Variants in DLG2 observed in about 807,000 individuals in gnomAD.
DLG2 encodes disks large homolog 2.
A neutral mutation model predicts 132.5 loss-of-function variants in DLG2; 45 were observed. That is an observed-to-expected ratio of 0.34 (90% CI 0.27 to 0.44). The LOEUF is 0.44. Ranked by LOEUF, DLG2 falls within the 20% of genes least tolerant of loss-of-function variation. The pLI, the probability that DLG2 is intolerant of heterozygous loss-of-function variation, is 1.00. For missense variants in DLG2, 1,045 were observed against 1,196.9 expected (o/e 0.87, Z 1.87); for synonymous variants, 424 against 419.6 (o/e 1.01, Z -0.13).
At chr11:85,036,097 G>T (rs562478068) in intron 6 of DLG2, among the ~76,000 whole-genome samples, 4 of 152,104 alleles carry the variant, frequency 2.6e-5, no homozygotes, top group Non-Finnish European at 4.4e-5. Flanking sequence ...GCATAAAATG[G>T]AAGAAAAGCA....
rs575471762 is a variant in DLG2 at position 85,389,572 on chromosome 11, T to G, written c.41-104207A>C. Among the ~76,000 whole-genome samples, 18 of 152,188 alleles carry G rather than the reference T, an allele frequency of 1.2e-4. No individual in the cohort carries two copies. The South Asian group carries it at 2.3e-3, about 19-fold the overall frequency. On this transcript the variant is annotated intron_variant, in intron 3 of 27. Transcript: ENST00000376104. ...CACACAGTCATCAGGTTATCTAAAG[T>G]CAAGACAAAGGAAAGAGTCTTAAGA...
chr11:84,590,066 A>G (rs556204996), intron 6 of DLG2, among the ~76,000 whole-genome samples: 3 of 152,344 alleles, frequency 2.0e-5, no homozygotes, highest in East Asian at 1.9e-4. Flanking sequence ...AAAACGGGAA[A>G]TAACATGACA....
intron 6 of DLG2, among the ~76,000 whole-genome samples, chr11:84,830,008 C>A (rs180795751): frequency 6.6e-6 from 1 of 151,476 alleles, no homozygotes; most frequent in African/African-American, 2.4e-5. Flanking sequence ...GTTGGGTAAC[C>A]GCTAACTGCA....
At chr11:85,612,507 A>C (rs1039014625) in intron 2 of DLG2, among the ~76,000 whole-genome samples, 5 of 152,380 alleles carry the variant, frequency 3.3e-5, no homozygotes, top group East Asian at 1.9e-4. Flanking sequence ...GCCAAACTTT[A>C]AAGTACTTAC....
At chr11:85,266,489 C>T (rs1358839007) in intron 4 of DLG2, among the ~76,000 whole-genome samples, 1 of 152,046 alleles carries the variant, frequency 6.6e-6, no homozygotes, top group African/African-American at 2.4e-5. Flanking sequence ...GGGATAGCAT[C>T]AGGAGAAGTA....
intron 4 of DLG2, among the ~76,000 whole-genome samples, chr11:85,210,779 A>C (rs1462977619): frequency 6.6e-6 from 1 of 152,076 alleles, no homozygotes; most frequent in African/African-American, 2.4e-5. Flanking sequence ...TGGGCTCAGG[A>C]ACTACCCATC....
intron 14 of DLG2, among the ~76,000 whole-genome samples, chr11:83,953,528 T>C (rs2154149397): frequency 6.6e-6 from 1 of 152,204 alleles, no homozygotes; most frequent in South Asian, 2.1e-4. Context: ...CATGGAAAAA[T>C]TATCTTCCAT....
At chr11:84,899,496 T>C (rs1396643858) in intron 6 of DLG2, among the ~76,000 whole-genome samples, 1 of 152,062 alleles carries the variant, frequency 6.6e-6, no homozygotes, top group Admixed American at 6.6e-5. Flanking sequence ...CAAATGTTGG[T>C]AACATCCAAA....
intron 7 of DLG2, among the ~76,000 whole-genome samples, chr11:84,268,084 T>C (rs933725605): frequency 6.6e-6 from 1 of 152,352 alleles, no homozygotes; most frequent in South Asian, 2.1e-4. Context: ...GTTAGTAACA[T>C]ACTCTCATTT....
intron 6 of DLG2, among the ~76,000 whole-genome samples, chr11:85,099,374 T>C (rs900817760): frequency 2.6e-5 from 4 of 152,310 alleles, no homozygotes; most frequent in African/African-American, 7.2e-5. Flanking sequence ...AAGCAAGTCA[T>C]TGACAAGAAA....
rs367674846 is a variant in DLG2, at chr11:85,370,499, A to C, written c.41-85134T>G. On this transcript the variant is annotated intron_variant, in intron 3 of 27. Transcript: ENST00000376104. The stretch of plus-strand genomic sequence containing the variant: ...GGTTTTTCTGTAAATTGAGCACTCA[A>C]ATAAATGCATAACAAGGTTTTCCTA... Among the ~76,000 whole-genome samples, 5 of 152,368 alleles carry C rather than the reference A, an allele frequency of 3.3e-5. No homozygotes were observed. In the East Asian group the frequency reaches 9.6e-4, roughly 29 times the overall value.
chr11:85,322,451 G>A (rs1565321555), intron 3 of DLG2, among the ~76,000 whole-genome samples: 2 of 152,192 alleles, frequency 1.3e-5, no homozygotes, highest in East Asian at 3.9e-4. Flanking sequence ...CACACAATGG[G>A]AAAGGTTTGC....
chr11:85,508,121 G>A (rs926795905), intron 3 of DLG2, among the ~76,000 whole-genome samples: 2 of 152,004 alleles, frequency 1.3e-5, no homozygotes, highest in Non-Finnish European at 2.9e-5. Flanking sequence ...CTTCTTTCAA[G>A]GTTTTTAGCT....
At chr11:84,685,887 C>G (rs1181144904) in intron 6 of DLG2, among the ~76,000 whole-genome samples, 1 of 152,128 alleles carries the variant, frequency 6.6e-6, no homozygotes, top group African/African-American at 2.4e-5. Context: ...CGAGGTTTCA[C>G]CGTATTAGCC....
At chr11:84,728,918 T>C (rs1446030346) in intron 6 of DLG2, among the ~76,000 whole-genome samples, 2 of 152,216 alleles carry the variant, frequency 1.3e-5, no homozygotes, top group Non-Finnish European at 2.9e-5. Flanking sequence ...TTTGTATTTC[T>C]GTGGGATCAG....
At chr11:84,752,716 C>A (rs2066318955) in intron 6 of DLG2, among the ~76,000 whole-genome samples, 1 of 105,766 alleles carries the variant, frequency 9.5e-6, no homozygotes, top group African/African-American at 3.5e-5. Flanking sequence ...TATCCCTCCC[C>A]CCTCCCCCCA....
intron 10 of DLG2, among the ~76,000 whole-genome samples, chr11:84,097,787 G>A (rs558289794): frequency 7.2e-5 from 11 of 152,096 alleles, no homozygotes; most frequent in Admixed American, 3.3e-4. Context: ...ACCTAGCAGG[G>A]GTGCTAAAAG....
chr11:85,324,668 G>C (rs990530670), intron 3 of DLG2, among the ~76,000 whole-genome samples: 2 of 152,156 alleles, frequency 1.3e-5, no homozygotes, highest in African/African-American at 4.8e-5. Context: ...AGGTTTTGAG[G>C]TTTGCTGTAT....
intron 6 of DLG2, among the ~76,000 whole-genome samples, chr11:84,787,350 C>G (rs1380066988): frequency 6.6e-6 from 1 of 152,140 alleles, no homozygotes; most frequent in Non-Finnish European, 1.5e-5. Flanking sequence ...CCTACTCTAG[C>G]CAAATCCAAT....
Sources: gnomAD v4.1 joint callset for allele counts (sites outside exome capture counted in the v4.1 genomes callset) on GRCh38, gnomAD v4.1.1 for gene constraint, MANE v1.5 for transcripts, NCBI Gene and HGNC (gene_info 2026-07-23, HGNC 2026-07-21) for gene names.